Variants in DNASE1 observed in about 807,000 individuals in gnomAD.
DNASE1 encodes deoxyribonuclease-1.
A neutral mutation model predicts 33.9 loss-of-function variants in DNASE1; 40 were observed. The ratio of observed to expected loss-of-function variants is 1.18; its 90% CI spans 0.92 to 1.54. The LOEUF (loss-of-function observed/expected upper bound fraction) is 1.54. DNASE1 is among the 40% of genes most tolerant of loss of function. The pLI, the probability that DNASE1 is intolerant of heterozygous loss-of-function variation, is 0.00. For synonymous variants in DNASE1, 216 were observed against 160.0 expected (o/e 1.35, Z -2.64); for missense variants, 518 against 372.6 (o/e 1.39, Z -3.21).
intron 1 of DNASE1, among the ~76,000 whole-genome samples, chr16:3,643,852 T>C (rs1332659454): frequency 6.6e-6 from 1 of 152,088 alleles, no homozygotes; most frequent in Non-Finnish European, 1.5e-5. Context: ...AGCTCTGCCA[T>C]CCGGGTTCAC....
At chr16:3,642,005 A>G (rs2042035922), upstream of DNASE1, among the ~76,000 whole-genome samples, 1 of 152,198 alleles carries the variant, frequency 6.6e-6, no homozygotes, top group Admixed American at 6.5e-5. Context: ...GGCTATAGCC[A>G]TGGTGGTGGC....
intron 1 of DNASE1, among the ~76,000 whole-genome samples, chr16:3,635,478 AAAGT>A (rs921231881): frequency 1.3e-5 from 2 of 150,178 alleles, no homozygotes; most frequent in African/African-American, 2.4e-5. Flanking sequence ...AAAAAAAAAA[AAAGT>A]AAGAAAAGTA....
In DNASE1 at chr16:3,655,907, C is replaced by T. The variant is rs776937788; in HGVS notation, c.206C>T (p.Ala69Val). ...VQEVRDSHLT[A>V]VGKLLDNLNQ... The stretch of plus-strand genomic sequence containing the variant: ...GAGGTCAGAGACAGCCACCTGACTG[C>T]CGTGGGGAAGCTGCTGGACAACCTC... Residue 69 changes from alanine to valine, a missense_variant, in exon 3 of 9, where the codon GCC (alanine) becomes GTC (valine). Physicochemically the swap from Ala to Val is moderately conservative, Grantham distance 64. Coordinates refer to ENST00000246949, the MANE Select transcript of DNASE1 (RefSeq NM_005223.4). The T allele has an allele frequency of 3.7e-6, 6 of 1,614,006 alleles. No individual in the cohort carries two copies. The South Asian group carries it at 6.6e-5, about 18-fold the overall frequency.
downstream of DNASE1, chr16:3,661,951 TC>T: frequency 6.4e-7 from 1 of 1,558,942 alleles, no homozygotes; most frequent in Non-Finnish European, 8.7e-7. Context: ...TTCTGGGGAA[TC>T]CCACAGGCTG....
intron 1 of DNASE1, among the ~76,000 whole-genome samples, chr16:3,637,807 G>A (rs2041914341): frequency 6.6e-6 from 1 of 152,092 alleles, no homozygotes; most frequent in African/African-American, 2.4e-5. Context: ...AGCAGTTCAT[G>A]AATTGCTGTG....
intron 4 of DNASE1, among the ~76,000 whole-genome samples, 171 bp downstream of exon 4, chr16:3,656,356 G>A (rs1363731882): frequency 6.6e-6 from 1 of 150,782 alleles, no homozygotes; most frequent in Non-Finnish European, 1.5e-5. Flanking sequence ...GGTTGAGCAG[G>A]TGCCTGGCTC....
chr16:3,656,901 C>T (rs973599047), intron 5 of DNASE1, 98 bp from the exon 6 acceptor site: 15 of 1,549,936 alleles, frequency 9.7e-6, no homozygotes, highest in Admixed American at 1.9e-5. Context: ...AAAATATCCA[C>T]CCCCCGGGGG....
chr16:3,657,491 C>A, intron 7 of DNASE1, 150 bp downstream of exon 7: 1 of 1,291,102 alleles, frequency 7.7e-7, no homozygotes, highest in Non-Finnish European at 1.1e-6. Context: ...TAACAAGAGC[C>A]ACGATTTTTA....
upstream of DNASE1, among the ~76,000 whole-genome samples, chr16:3,641,908 TTCCCAGCCG>T (rs1477414741): frequency 2.0e-5 from 3 of 152,210 alleles, no homozygotes; most frequent in African/African-American, 7.2e-5. Flanking sequence ...GGAACCAGCC[TTCCCAGCCG>T]TCCCACCCAG....
intron 1 of DNASE1, among the ~76,000 whole-genome samples, chr16:3,633,065 G>C (rs889025103): frequency 1.3e-5 from 2 of 151,990 alleles, no homozygotes; most frequent in Non-Finnish European, 2.9e-5. Context: ...TCTTATTTTT[G>C]AATATATTCT....
chr16:3,655,205 T>C (rs2042518024), intron 1 of DNASE1, among the ~76,000 whole-genome samples, 161 bp downstream of exon 1: 1 of 152,162 alleles, frequency 6.6e-6, no homozygotes, highest in African/African-American at 2.4e-5. Context: ...CTCTACGTGG[T>C]GCCAGCTGTT....
At chr16:3,627,894 G>C (rs976053603) in intron 1 of DNASE1, among the ~76,000 whole-genome samples, 1 of 143,608 alleles carries the variant, frequency 7.0e-6, no homozygotes, top group Non-Finnish European at 1.5e-5. Context: ...TCTGGGGTCC[G>C]TGGAGATTCC....
chr16:3,639,658 AT>A (rs1171881837), upstream of DNASE1, among the ~76,000 whole-genome samples: 1 of 152,172 alleles, frequency 6.6e-6, no homozygotes, highest in African/African-American at 2.4e-5. Flanking sequence ...AATAATTCTT[AT>A]GCTAAACTTC....
intron 1 of DNASE1, among the ~76,000 whole-genome samples, chr16:3,619,683 A>T (rs1233344313): frequency 6.6e-6 from 1 of 151,288 alleles, no homozygotes; most frequent in Non-Finnish European, 1.5e-5. Context: ...TTAAAAAAAA[A>T]ATTTTTTTTG....
exon 10 of DNASE1, chr16:3,663,234 G>C (rs1193114873): frequency 1.3e-6 from 1 of 754,990 alleles, no homozygotes; most frequent in African/African-American, 1.8e-5. Flanking sequence ...AGGAGCACTG[G>C]ACAGACCCCT....
chr16:3,626,817 C>T (rs1441795321), intron 1 of DNASE1, among the ~76,000 whole-genome samples: 2 of 152,178 alleles, frequency 1.3e-5, no homozygotes, highest in Non-Finnish European at 1.5e-5. Flanking sequence ...TAGGATTATG[C>T]TGTCTTGATG....
chr16:3,655,522 T>G lies in DNASE1; in HGVS notation c.147+2T>G. 6.2e-7 allele frequency: 1 copy of G among 1,614,036 alleles called. No homozygotes were observed. Among genetic ancestry groups the G allele is most frequent in the Non-Finnish European group, 8.5e-7 (1 of 1,180,022 alleles). Reference sequence around the variant, plus strand: ...ACCCTCGTCAGCTACATTGTGCAGGTGAGGCCAGGGCAGCCTCCCCCCAAA... The same window carrying G: ...ACCCTCGTCAGCTACATTGTGCAGGGGAGGCCAGGGCAGCCTCCCCCCAAA... On this transcript the variant is annotated splice_donor_variant, in intron 2 of 8. Transcript: ENST00000246949. LOFTEE classifies it high-confidence loss of function.
downstream of DNASE1, chr16:3,659,050 A>G: frequency 1.6e-6 from 1 of 612,270 alleles, no homozygotes; most frequent in Admixed American, 3.3e-5. Context: ...CAAGAGAATC[A>G]GGAGTGTCAG....
chr16:3,657,986 AAG>A lies in DNASE1; in HGVS notation c.*38_*39del. 1 of 1,613,150 alleles carries A rather than the reference AAG, an allele frequency of 6.2e-7. No homozygotes were observed. The highest frequency in any genetic ancestry group is 8.5e-7 in the Non-Finnish European group (1 of 1,179,640). On this transcript the variant is annotated 3_prime_UTR_variant, in exon 9 of 9. Coordinates refer to ENST00000246949, the MANE Select transcript of DNASE1 (RefSeq NM_005223.4). ...CTCCCCACACCAGTTGAACTGCAGGAAGAGAGGACCCATCCTGCCACAGGACC... is the reference window on the plus strand; with the variant it reads ...CTCCCCACACCAGTTGAACTGCAGGAAGAGGACCCATCCTGCCACAGGACC...
Sources: gnomAD v4.1 joint callset for allele counts (sites outside exome capture counted in the v4.1 genomes callset) on GRCh38, gnomAD v4.1.1 for gene constraint, MANE v1.5 for transcripts, NCBI Gene and HGNC (gene_info 2026-07-23, HGNC 2026-07-21) for gene names.